MACC1: variants seen among roughly 807,000 people sequenced by gnomAD.
The protein encoded by MACC1 is MET transcriptional regulator MACC1, also known as metastasis-associated in colon cancer protein 1.
A neutral mutation model predicts 70.7 loss-of-function variants in MACC1; 79 were observed. That is an observed-to-expected ratio of 1.12 (90% CI 0.93 to 1.35). The LOEUF is 1.35. Ranked by LOEUF, MACC1 falls within the 40% of genes most tolerant of loss-of-function variation. The pLI is 0.00. For synonymous variants in MACC1, 361 were observed against 347.2 expected (o/e 1.04, Z -0.44); for missense variants, 1,106 against 978.1 (o/e 1.13, Z -1.74).
At chr7:20,186,518 G>C (rs1045086829) in intron 1 of MACC1, among the ~76,000 whole-genome samples, 2 of 151,832 alleles carry the variant, frequency 1.3e-5, no homozygotes, top group Admixed American at 1.3e-4. Flanking sequence ...ATAAACGACA[G>C]CCAAACATAT....
intron 1 of MACC1, among the ~76,000 whole-genome samples, chr7:20,196,533 C>A (rs1006013423): frequency 6.6e-6 from 1 of 152,016 alleles, no homozygotes. Flanking sequence ...TCCAGTCACA[C>A]TGGAGAAAGA....
chr7:20,178,731 G>C (rs1315713795), intron 1 of MACC1, among the ~76,000 whole-genome samples: 1 of 152,122 alleles, frequency 6.6e-6, no homozygotes, highest in Non-Finnish European at 1.5e-5. Flanking sequence ...TTCCTGAGTA[G>C]CTGGGATTAC....
At chr7:20,146,286 T>G (rs909809944) in intron 6 of MACC1, among the ~76,000 whole-genome samples, 13 of 152,342 alleles carry the variant, frequency 8.5e-5, no homozygotes, top group African/African-American at 3.1e-4. Context: ...TATGAACATT[T>G]GGACACAAGT....
intron 1 of MACC1, among the ~76,000 whole-genome samples, chr7:20,183,896 C>T (rs1284432135): frequency 6.6e-6 from 1 of 151,920 alleles, no homozygotes; most frequent in East Asian, 1.9e-4. Flanking sequence ...TTAGTAGAGA[C>T]AGGGTTTCAC....
chr7:20,171,903 T>C (rs1782314111), intron 1 of MACC1, among the ~76,000 whole-genome samples: 1 of 151,992 alleles, frequency 6.6e-6, no homozygotes, highest in African/African-American at 2.4e-5. Flanking sequence ...ATGATGTGAG[T>C]TACAAGAAGT....
At chr7:20,162,487 CAGA>C (rs1254752404) in intron 3 of MACC1, among the ~76,000 whole-genome samples, 3 of 152,022 alleles carry the variant, frequency 2.0e-5, no homozygotes, top group African/African-American at 7.2e-5. Flanking sequence ...ATACTCAATC[CAGA>C]AGAAGAGCAT....
At chr7:20,145,179 G>C (rs1781871123) in intron 6 of MACC1, among the ~76,000 whole-genome samples, 1 of 152,142 alleles carries the variant, frequency 6.6e-6, no homozygotes, top group African/African-American at 2.4e-5. Flanking sequence ...GTAAACATAT[G>C]CCAGTGTAAC....
At position 20,135,229 on chromosome 7, in the gene MACC1, A is replaced by T. The variant is rs1781704323; in HGVS notation, c.*5717T>A. 1 of 152,208 alleles carries T rather than the reference A, an allele frequency of 6.6e-6. No individual in the cohort carries two copies. 9.4% of individuals were successfully genotyped at this position (152,208 alleles called of 1,614,324 possible). On this transcript the variant is annotated 3_prime_UTR_variant, in exon 7 of 7. Coordinates refer to ENST00000400331, the MANE Select transcript of MACC1 (RefSeq NM_182762.4). ...GAATACATGTCCCAAATTATTGTTA[A>T]CCTATTTTTATTCAAATATGTTTAT... is the stretch of plus-strand genomic sequence containing the variant.
chr7:20,138,152 C>CAAAAAAAAAAAAAAAAAAAAAAAA lies in MACC1; in HGVS notation c.*2770_*2793dup, dbSNP rs535703374. ...TGGGCAACAGAGCCAGACTCTGGCT[C>CAAAAAAAAAAAAAAAAAAAAAAAA]AAAAAAAAAAAAAAAAAAAAAAAAA... is the stretch of plus-strand genomic sequence containing the variant. On this transcript the variant is annotated 3_prime_UTR_variant, in exon 7 of 7. Coordinates refer to ENST00000400331, the MANE Select transcript of MACC1 (RefSeq NM_182762.4). The CAAAAAAAAAAAAAAAAAAAAAAAA allele has an allele frequency of 1.0e-4, 7 of 67,866 alleles. No homozygotes were observed. Among genetic ancestry groups the CAAAAAAAAAAAAAAAAAAAAAAAA allele is most frequent in the African/African-American group, 2.7e-4 (6 of 22,156 alleles). 4.2% of individuals were successfully genotyped at this position (67,866 alleles called of 1,614,324 possible). A position where few individuals can be genotyped will look rare whatever the true frequency, so the allele number is the denominator to read the frequency against.
intron 6 of MACC1, among the ~76,000 whole-genome samples, chr7:20,141,560 C>T (rs528428395): frequency 3.4e-4 from 51 of 152,054 alleles, no homozygotes; most frequent in Non-Finnish European, 2.8e-4. Flanking sequence ...AGTTTTATGA[C>T]ACCAAATAAT....
intron 1 of MACC1, among the ~76,000 whole-genome samples, chr7:20,183,586 T>C (rs938014828): frequency 6.6e-5 from 10 of 152,236 alleles, no homozygotes; most frequent in African/African-American, 2.4e-4. Context: ...TGCAACAAGA[T>C]GCTTTAACAT....
intron 1 of MACC1, among the ~76,000 whole-genome samples, chr7:20,171,599 T>G (rs1782308763): frequency 6.6e-6 from 1 of 151,456 alleles, no homozygotes. Flanking sequence ...TTTTTTTTTT[T>G]GAGATGGAGT....
chr7:20,146,687 T>G (rs1455596668), intron 6 of MACC1, among the ~76,000 whole-genome samples: 1 of 152,234 alleles, frequency 6.6e-6, no homozygotes, highest in African/African-American at 2.4e-5. Context: ...CCTCTCTTGC[T>G]CAATGTTATG....
chr7:20,175,992 C>T (rs1423984949), intron 1 of MACC1, among the ~76,000 whole-genome samples: 1 of 151,988 alleles, frequency 6.6e-6, no homozygotes, highest in Non-Finnish European at 1.5e-5. Context: ...TCTTCGATAT[C>T]CTTCAGTATT....
At chr7:20,180,680 A>G (rs1782490257) in intron 1 of MACC1, among the ~76,000 whole-genome samples, 1 of 152,002 alleles carries the variant, frequency 6.6e-6, no homozygotes, top group South Asian at 2.1e-4. Context: ...CCCCATCTCT[A>G]CTAAAAATTT....
At chr7:20,210,770 G>T (rs563974487) in intron 1 of MACC1, among the ~76,000 whole-genome samples, 3 of 152,150 alleles carry the variant, frequency 2.0e-5, no homozygotes, top group African/African-American at 7.2e-5. Flanking sequence ...CTTAATGGAT[G>T]GTCAGGAATT....
chr7:20,193,603 A>G (rs1178423401), intron 1 of MACC1, among the ~76,000 whole-genome samples: 1 of 152,164 alleles, frequency 6.6e-6, no homozygotes, highest in Admixed American at 6.5e-5. Flanking sequence ...ACGATCTTAT[A>G]AGAGACACCC....
intron 1 of MACC1, among the ~76,000 whole-genome samples, chr7:20,180,299 C>G (rs1340895311): frequency 6.6e-6 from 1 of 151,448 alleles, no homozygotes; most frequent in African/African-American, 2.4e-5. Flanking sequence ...AAAAATTAGC[C>G]GGGCGTGGTG....
intron 6 of MACC1, among the ~76,000 whole-genome samples, chr7:20,149,833 A>T (rs1781948600): frequency 6.6e-6 from 1 of 152,144 alleles, no homozygotes; most frequent in South Asian, 2.1e-4. Context: ...CCACTTTGAT[A>T]TTTTTTAAGT....
Sources: allele counts gnomAD v4.1 joint callset (sites outside exome capture counted in the v4.1 genomes callset), GRCh38; gene constraint gnomAD v4.1.1; transcripts MANE v1.5; gene names NCBI Gene and HGNC (gene_info 2026-07-23, HGNC 2026-07-21).